The following ZNF707 variants were observed in gnomAD, a reference collection of about 807,000 sequenced individuals.
ZNF707 encodes the protein zinc finger protein 707.
ZNF707 carries 8 observed loss-of-function variants against 13.3 expected under a neutral mutation model. The ratio of observed to expected loss-of-function variants is 0.60; its 90% CI spans 0.35 to 1.09. The LOEUF is 1.09. Ranked by LOEUF, ZNF707 falls within the 50% of genes least tolerant of loss-of-function variation. The pLI is 0.02. For missense variants in ZNF707, 530 were observed against 512.6 expected, an observed-to-expected ratio of 1.03 and a Z score of -0.33; for synonymous variants, 225 against 205.6, an observed-to-expected ratio of 1.09 and a Z score of -0.81.
At chr8:143,686,018 C>G (rs1277606331) in intron 1 of ZNF707, among the ~76,000 whole-genome samples, 1 of 152,206 alleles carries the variant, frequency 6.6e-6, no homozygotes, top group Non-Finnish European at 1.5e-5. Flanking sequence ...CTCCCTGACT[C>G]TGCTTTCCAG....
chr8:143,691,902 G>C (rs2131530807), intron 5 of ZNF707, 189 bp downstream of exon 5: 1 of 1,046,852 alleles, frequency 9.6e-7, no homozygotes, highest in East Asian at 2.6e-5. Context: ...ATGGACACTG[G>C]CCGGGGGTGG....
intron 5 of ZNF707, 166 bp downstream of exon 5, chr8:143,691,879 C>T (rs1587392915): frequency 9.4e-6 from 9 of 955,490 alleles, no homozygotes; most frequent in South Asian, 4.6e-5. Flanking sequence ...GGGGCAGCCA[C>T]GCTCCTGCCC....
Position 143,694,027 on chromosome 8 carries a change from G to T in ZNF707, c.613G>T (p.Glu205Ter). The T allele has an allele frequency of 6.2e-7, 1 of 1,605,570 alleles. No homozygotes were observed. Among genetic ancestry groups the T allele is most frequent in the Non-Finnish European group, 8.5e-7 (1 of 1,177,224 alleles). ...GGTGCACACGGGAACCAAGGCCTTC[G>T]AGTGCCCCGAGTGCGGCCAGACCTT... Reference protein sequence around the residue: ...QTVHTGTKAFECPECGQTFRW... With the variant: ...QTVHTGTKAF The change falls in exon 6 of 6, where the codon GAG becomes TAG. Residue 205 changes from glutamate (E) to a stop codon, truncating the protein, a stop_gained. Transcript: ENST00000358656. LOFTEE classifies it low-confidence loss of function (END_TRUNC). The surrounding 1 kb of genome is among the most constrained non-coding windows in gnomAD (Gnocchi z 4.4).
rs782545138 is a variant in ZNF707 at position 143,693,923 on chromosome 8, G to A, written c.509G>A (p.Arg170His). 1.9e-6 allele frequency: 3 copies of A among 1,607,476 alleles called. No individual in the cohort carries two copies. Among genetic ancestry groups the A allele is most frequent in the East Asian group, 2.2e-5 (1 of 44,726 alleles). Residue 170 changes from arginine to histidine, a missense_variant, in exon 6 of 6, where the codon CGC becomes CAC. Arg to His is a conservative substitution (Grantham distance 29). Coordinates refer to ENST00000358656, the MANE Select transcript of ZNF707 (RefSeq NM_001100598.2). This position sits in a 1 kb window ranked among gnomAD's most constrained non-coding sequence, Gnocchi z 4.1. ...GGCCGCAGAGAGCGCCGGAAGCAGC[G>A]CGCAGTAGAGCTGTCATTCATCTGC... The part of the protein sequence containing the change: ...RPGRRERRKQ[R>H]AVELSFICGT...
intron 5 of ZNF707, chr8:143,692,236 C>A (rs1554613839): frequency 1.5e-6 from 2 of 1,290,370 alleles, no homozygotes; most frequent in Non-Finnish European, 2.0e-6. Context: ...TTTTTACTTA[C>A]ATTTTCAGAG....
chr8:143,690,193 G>A (rs1816676578), intron 3 of ZNF707, 70 bp downstream of exon 3: 5 of 1,576,248 alleles, frequency 3.2e-6, no homozygotes, highest in Admixed American at 1.7e-5. Context: ...CAGCACACAC[G>A]CGGGGAGGGT....
Position 143,691,700 on chromosome 8 carries a change from G to A in ZNF707, c.243G>A (p.Arg81=). The A allele has an allele frequency of 6.3e-7, 1 of 1,595,012 alleles. No individual in the cohort carries two copies. Among genetic ancestry groups the A allele is most frequent in the Admixed American group, 1.7e-5 (1 of 57,728 alleles). Residue 81 remains arginine (R), a synonymous_variant, in exon 5 of 6, where the codon AGG becomes AGA. Coordinates refer to ENST00000358656, the MANE Select transcript of ZNF707 (RefSeq NM_001100598.2). The part of the protein sequence containing the change: ...RERPEFQAVQ[R]GPRPGARKSA... The stretch of plus-strand genomic sequence containing the variant: ...GACCTGAGTTCCAGGCAGTGCAGAG[G>A]GGACCCCGGCCAGGTGAGTGCTGGG...
At position 143,691,692 on chromosome 8, in the gene ZNF707, G is replaced by T; in HGVS notation, c.235G>T (p.Val79Leu). The change falls in exon 5 of 6, where the codon GTG becomes TTG. Residue 79 changes from valine to leucine, a missense_variant. Coordinates refer to ENST00000358656, the MANE Select transcript of ZNF707 (RefSeq NM_001100598.2). ...EDRERPEFQA[V>L]QRGPRPGARK... is the part of the protein sequence containing the mutation. Reference sequence around the variant, plus strand: ...CCGGGAGAGACCTGAGTTCCAGGCAGTGCAGAGGGGACCCCGGCCAGGTGA... The same window carrying T: ...CCGGGAGAGACCTGAGTTCCAGGCATTGCAGAGGGGACCCCGGCCAGGTGA... 6.3e-7 allele frequency: 1 copy of T among 1,599,362 alleles called. No individual in the cohort carries two copies. The highest frequency in any genetic ancestry group is 8.5e-7 in the Non-Finnish European group (1 of 1,173,602).
chr8:143,692,135 C>G, intron 5 of ZNF707: 1 of 1,306,724 alleles, frequency 7.7e-7, no homozygotes, highest in Non-Finnish European at 1.0e-6. Context: ...GGAGTTTGCT[C>G]CACGTCCTTG....
At position 143,690,147 on chromosome 8, in the gene ZNF707, C is replaced by A. The variant is rs201257973; in HGVS notation, c.15+24C>A. Reference sequence around the variant, plus strand: ...AGGTGAGCCCTGCTGCTGCCGAGCGCAGCCTCCCTTCTGCCCTGCTGGCTG... The same window carrying A: ...AGGTGAGCCCTGCTGCTGCCGAGCGAAGCCTCCCTTCTGCCCTGCTGGCTG... On this transcript the variant is annotated intron_variant, in intron 3 of 5. Transcript: ENST00000358656. 7 of 1,603,254 alleles carry A rather than the reference C, an allele frequency of 4.4e-6. No individual in the cohort carries two copies. The Admixed American group carries it at 1.0e-4, about 23-fold the overall frequency.
chr8:143,694,536 C>T lies in ZNF707; in HGVS notation c.*6C>T. ...ACAGGCACGGGGAGGTGTAGGGGCG[C>T]CCGAAGAGTGGGGTGCTGCGCCTCT... On this transcript the variant is annotated 3_prime_UTR_variant, in exon 6 of 6. Transcript: ENST00000358656. This position sits in a 1 kb window ranked among gnomAD's most constrained non-coding sequence, Gnocchi z 4.4. 1 of 1,588,408 alleles carries T rather than the reference C, an allele frequency of 6.3e-7. No individual in the cohort carries two copies. Among genetic ancestry groups the T allele is most frequent in the East Asian group, 2.3e-5 (1 of 44,320 alleles).
intron 5 of ZNF707, chr8:143,691,940 G>C (rs1816846477): frequency 3.2e-6 from 4 of 1,250,528 alleles, no homozygotes; most frequent in Non-Finnish European, 4.5e-6. Flanking sequence ...GCTGCAGGAT[G>C]ACATACAGCT....
intron 5 of ZNF707, among the ~76,000 whole-genome samples, chr8:143,692,881 A>G (rs1816962488): frequency 6.8e-6 from 1 of 147,946 alleles, no homozygotes; most frequent in East Asian, 2.1e-4. Context: ...GAGGTGTCGC[A>G]TCCCCGGGTG....
chr8:143,689,929 G>C (rs1473572501), intron 2 of ZNF707, 128 bp from the exon 3 acceptor site: 9 of 719,744 alleles, frequency 1.3e-5, no homozygotes, highest in Non-Finnish European at 2.1e-5. Context: ...TTACAGAGCA[G>C]ACCCTGTGTG....
chr8:143,691,708 G>T lies in ZNF707; in HGVS notation c.251G>T (p.Arg84Leu), dbSNP rs528377530. The T allele has an allele frequency of 6.3e-7, 1 of 1,587,988 alleles. No homozygotes were observed. Among genetic ancestry groups the T allele is most frequent in the Admixed American group, 1.8e-5 (1 of 56,778 alleles). Residue 84 changes from arginine (R) to leucine (L), a missense_variant, in exon 5 of 6, where the codon CGG (arginine) becomes CTG (leucine). Transcript: ENST00000358656. Reference protein sequence around the residue: ...PEFQAVQRGPRPGARKSADPK... With the variant: ...PEFQAVQRGPLPGARKSADPK... ...TTCCAGGCAGTGCAGAGGGGACCCC[G>T]GCCAGGTGAGTGCTGGGCTGTCTGG...
chr8:143,690,163 C>T, intron 3 of ZNF707, 40 bp downstream of exon 3: 1 of 1,600,444 alleles, frequency 6.2e-7, no homozygotes, highest in Non-Finnish European at 8.5e-7. Flanking sequence ...CCCTTCTGCC[C>T]TGCTGGCTGC....
In ZNF707 at chr8:143,690,086, A is replaced by G; in HGVS notation, c.-23A>G. ...GCCCTCCTTGGCACTGTGCTTCCCCAGAGGGGTGGCCTCGCTGTTCCCATG... is the reference window on the plus strand; with the variant it reads ...GCCCTCCTTGGCACTGTGCTTCCCCGGAGGGGTGGCCTCGCTGTTCCCATG... On this transcript the variant is annotated 5_prime_UTR_variant, in exon 3 of 6. Transcript: ENST00000358656. The G allele has an allele frequency of 6.2e-7, 1 of 1,609,110 alleles. No individual in the cohort carries two copies. The highest frequency in any genetic ancestry group is 1.3e-5 in the African/African-American group (1 of 75,028).
At chr8:143,688,078 T>G (rs1554612584) in intron 1 of ZNF707, 1 of 151,344 alleles carries the variant, frequency 6.6e-6, no homozygotes, top group African/African-American at 2.4e-5. Flanking sequence ...GTTCGTGCCA[T>G]TCTCCTGCCT....
chr8:143,691,458 T>A, intron 4 of ZNF707, 142 bp from the exon 5 acceptor site: 1 of 1,061,546 alleles, frequency 9.4e-7, no homozygotes, highest in South Asian at 1.7e-5. Flanking sequence ...TCCCTTCCTG[T>A]CATCTCTGCT....
Sources: allele counts gnomAD v4.1 joint callset (sites outside exome capture counted in the v4.1 genomes callset), GRCh38; gene constraint gnomAD v4.1.1; non-coding constraint Gnocchi (gnomAD v3.1); transcripts MANE v1.5; gene names NCBI Gene and HGNC (gene_info 2026-07-23, HGNC 2026-07-21).